The following SPATA16 variants were observed in gnomAD, a reference collection of about 807,000 sequenced individuals.
SPATA16 encodes spermatogenesis associated 16.
SPATA16 carries 36 observed loss-of-function variants against 63.3 expected under a neutral mutation model. The observed-to-expected ratio is 0.57, with a 90% confidence interval of 0.44 to 0.75. The LOEUF is 0.75. Among genes scored for constraint, SPATA16 ranks in the 30% least tolerant of loss-of-function variants. The probability of loss-of-function intolerance (pLI) is 0.00; values close to 1 mark genes in which losing one functional copy is unlikely to be tolerated. For synonymous variants in SPATA16, 203 were observed against 216.7 expected, an observed-to-expected ratio of 0.94 and a Z score of 0.56; for missense variants, 646 against 679.3, an observed-to-expected ratio of 0.95 and a Z score of 0.54.
intron 5 of SPATA16, among the ~76,000 whole-genome samples, chr3:172,960,893 C>CTTT (rs1441747138): frequency 9.4e-4 from 139 of 147,716 alleles, no homozygotes; most frequent in Middle Eastern, 6.8e-3. Flanking sequence ...TTCTCTCTCT[C>CTTT]CTTCCTTCCT....
chr3:173,126,196 A>G (rs1340655093), intron 1 of SPATA16, among the ~76,000 whole-genome samples: 1 of 152,202 alleles, frequency 6.6e-6, no homozygotes, highest in Non-Finnish European at 1.5e-5. Context: ...CAGAACCAGA[A>G]CCTTCAGAAA....
chr3:173,051,055 A>G (rs1486497051), intron 2 of SPATA16, among the ~76,000 whole-genome samples: 1 of 152,232 alleles, frequency 6.6e-6, no homozygotes, highest in East Asian at 1.9e-4. Context: ...GGATCCAGAA[A>G]TACCTAAACA....
chr3:172,923,915 G>A (rs1732669656), intron 8 of SPATA16, among the ~76,000 whole-genome samples: 1 of 152,190 alleles, frequency 6.6e-6, no homozygotes, highest in Non-Finnish European at 1.5e-5. Flanking sequence ...GATTTGAAAT[G>A]AGAAATTCAC....
In SPATA16 at chr3:173,117,378, C is replaced by G. The variant is rs1379670849; in HGVS notation, c.354G>C (p.Lys118Asn). ...ITMPLPHIPL[K>N]NIMDVEMKLV... ...ACTTCATTTCCACATCCATTATGTT[C>G]TTTAAGGGGATGTGAGGCAGAGGCA... The change falls in exon 2 of 11, where the codon AAG (lysine) becomes AAC (asparagine). Residue 118 changes from lysine to asparagine, a missense_variant. Physicochemically the swap from Lys to Asn is moderately conservative, Grantham distance 94. Transcript: ENST00000351008. 1 of 1,614,048 alleles carries G rather than the reference C, an allele frequency of 6.2e-7. No homozygotes were observed. The highest frequency in any genetic ancestry group is 2.2e-5 in the East Asian group (1 of 44,896).
chr3:173,099,463 G>A (rs62282611), intron 2 of SPATA16, among the ~76,000 whole-genome samples: 1,675 of 152,250 alleles, frequency 0.011, 22 homozygotes, highest in Non-Finnish European at 0.016. Context: ...ACAGTTTCAG[G>A]AATCCCCTGG....
intron 3 of SPATA16, among the ~76,000 whole-genome samples, chr3:173,042,693 AG>A (rs1735871855): frequency 6.6e-6 from 1 of 152,180 alleles, no homozygotes; most frequent in African/African-American, 2.4e-5. Flanking sequence ...ACAGAGGCCA[AG>A]GGAAGTTAAT....
intron 6 of SPATA16, among the ~76,000 whole-genome samples, chr3:172,935,266 G>T (rs1360090213): frequency 1.3e-5 from 2 of 152,278 alleles, no homozygotes; most frequent in East Asian, 3.9e-4. Context: ...GGAGTTCAAT[G>T]ATGTAATGTG....
intron 4 of SPATA16, among the ~76,000 whole-genome samples, chr3:172,990,936 A>T (rs1172880519): frequency 1.3e-5 from 2 of 152,110 alleles, no homozygotes; most frequent in African/African-American, 2.4e-5. Context: ...ATAAAAATGT[A>T]TGAACTAAGA....
At chr3:173,036,267 G>A (rs527466748) in intron 3 of SPATA16, among the ~76,000 whole-genome samples, 5 of 152,106 alleles carry the variant, frequency 3.3e-5, no homozygotes, top group Middle Eastern at 6.8e-3. Context: ...ACAACTGACA[G>A]TATATATTGC....
intron 2 of SPATA16, among the ~76,000 whole-genome samples, chr3:173,072,362 T>C (rs1251172357): frequency 1.3e-5 from 2 of 152,078 alleles, no homozygotes; most frequent in African/African-American, 2.4e-5. Context: ...GAGCTAAACA[T>C]TGGGTACTCA....
At chr3:172,893,433 C>A (rs1030939847) in intron 10 of SPATA16, among the ~76,000 whole-genome samples, 1 of 152,308 alleles carries the variant, frequency 6.6e-6, no homozygotes, top group East Asian at 1.9e-4. Context: ...AGGCAGGGAA[C>A]AGTTTCTTCT....
intron 1 of SPATA16, among the ~76,000 whole-genome samples, chr3:173,135,551 A>C (rs1342339663): frequency 6.6e-6 from 1 of 152,212 alleles, no homozygotes. Context: ...GAATCATAGA[A>C]AAGATAAAAA....
At chr3:172,948,483 T>G (rs1733349241) in intron 6 of SPATA16, among the ~76,000 whole-genome samples, 1 of 152,174 alleles carries the variant, frequency 6.6e-6, no homozygotes, top group Admixed American at 6.5e-5. Context: ...CTTATTATTT[T>G]TTGAGACAGG....
intron 2 of SPATA16, among the ~76,000 whole-genome samples, chr3:173,060,758 G>C (rs1466023542): frequency 6.6e-6 from 1 of 152,190 alleles, no homozygotes; most frequent in Non-Finnish European, 1.5e-5. Context: ...ATCATGCTAG[G>C]TGTCTTAAGC....
chr3:173,078,616 G>T (rs1479183885), intron 2 of SPATA16, among the ~76,000 whole-genome samples: 1 of 152,096 alleles, frequency 6.6e-6, no homozygotes, highest in African/African-American at 2.4e-5. Flanking sequence ...TAAACAATGG[G>T]TGACCAGAAA....
At chr3:173,136,308 T>G (rs1179671103) in intron 1 of SPATA16, among the ~76,000 whole-genome samples, 1 of 152,198 alleles carries the variant, frequency 6.6e-6, no homozygotes, top group Non-Finnish European at 1.5e-5. Flanking sequence ...TTGTCATAAT[T>G]ATTATTTTTT....
chr3:172,918,701 AGGCAGGTAGCCCTCCCAGTGAGACTTCAG>A (rs1732553121), intron 8 of SPATA16, among the ~76,000 whole-genome samples: 1 of 152,170 alleles, frequency 6.6e-6, no homozygotes, highest in Admixed American at 6.6e-5. Context: ...CTAAATCTAA[AGGCAGGTAGCCCTCCCAGTGAGACTTCAG>A]GAATGATCAA....
chr3:173,095,840 T>A (rs1737337832), intron 2 of SPATA16, among the ~76,000 whole-genome samples: 1 of 152,196 alleles, frequency 6.6e-6, no homozygotes, highest in Admixed American at 6.5e-5. Flanking sequence ...TGGAGAATAT[T>A]TTAGGTGAAA....
At chr3:173,004,697 G>A (rs1462660058) in intron 4 of SPATA16, among the ~76,000 whole-genome samples, 1 of 152,030 alleles carries the variant, frequency 6.6e-6, no homozygotes, top group East Asian at 1.9e-4. Flanking sequence ...AGCTCTAATT[G>A]TTAACAATAA....
Sources: gnomAD v4.1 joint callset for allele counts (sites outside exome capture counted in the v4.1 genomes callset) on GRCh38, gnomAD v4.1.1 for gene constraint, MANE v1.5 for transcripts, NCBI Gene and HGNC (gene_info 2026-07-23, HGNC 2026-07-21) for gene names.